CARM1: variants seen among roughly 807,000 people sequenced by gnomAD.
CARM1 encodes histone-arginine methyltransferase CARM1.
In CARM1, 14 loss-of-function variants were observed where a neutral mutation model predicts 72.7. The observed-to-expected ratio is 0.19, with a 90% CI of 0.13 to 0.30. The LOEUF is 0.30. CARM1 is among the 10% of genes least tolerant of loss of function. The pLI is 1.00. For missense variants in CARM1, 432 were observed against 833.7 expected, an observed-to-expected ratio of 0.52 and a Z score of 5.93; for synonymous variants, 333 against 345.5, an observed-to-expected ratio of 0.96 and a Z score of 0.40.
At chr19:10,875,191 G>A (rs1471519770) in intron 1 of CARM1, among the ~76,000 whole-genome samples, 3 of 152,152 alleles carry the variant, frequency 2.0e-5, no homozygotes, top group Non-Finnish European at 4.4e-5. Flanking sequence ...TACTGGCAGG[G>A]CCACAATCCC....
intron 1 of CARM1, among the ~76,000 whole-genome samples, chr19:10,890,636 T>C (rs892351858): frequency 2.0e-5 from 3 of 150,802 alleles, no homozygotes; most frequent in African/African-American, 7.3e-5. Flanking sequence ...TATTTACATA[T>C]ATATATGTAT....
chr19:10,900,905 G>T (rs1004826291), intron 1 of CARM1, among the ~76,000 whole-genome samples: 1 of 151,542 alleles, frequency 6.6e-6, no homozygotes, highest in Admixed American at 6.6e-5. Flanking sequence ...GGATGGTCTC[G>T]ATCTCCTGAC....
At chr19:10,877,681 C>T (rs993220225) in intron 1 of CARM1, among the ~76,000 whole-genome samples, 1 of 152,022 alleles carries the variant, frequency 6.6e-6, no homozygotes, top group Non-Finnish European at 1.5e-5. Flanking sequence ...CTCAGCCTCC[C>T]AAAATGCTGG....
Position 10,914,068 on chromosome 19 carries a change from G to T in CARM1, c.847+14G>T, listed in dbSNP as rs779707474. On this transcript the variant is annotated intron_variant, in intron 6 of 15. Transcript: ENST00000327064. Reference sequence around the variant, plus strand: ...TGAAGCCCAGCGGTGAGCACTGGGGGGTACACAGGCCAGGCCCCTCGGTGG... The same window carrying T: ...TGAAGCCCAGCGGTGAGCACTGGGGTGTACACAGGCCAGGCCCCTCGGTGG... 2.5e-5 allele frequency: 40 copies of T among 1,605,310 alleles called. No individual in the cohort carries two copies. The highest frequency in any genetic ancestry group is 3.4e-5 in the Non-Finnish European group (40 of 1,176,388).
intron 1 of CARM1, among the ~76,000 whole-genome samples, chr19:10,874,708 C>T (rs571908120): frequency 6.6e-5 from 10 of 152,182 alleles, no homozygotes; most frequent in African/African-American, 2.4e-4. Flanking sequence ...CCTTAAGTAA[C>T]ATTGATATGG....
At position 10,916,999 on chromosome 19, in the gene CARM1, G is replaced by T. The variant is rs2074202824; in HGVS notation, c.1020+222G>T. ...ATTAGGTGAGGCTAAGGCAGAGGGG[G>T]CATTTAGGCTCAGGAGTTCAAGATC... is the stretch of plus-strand genomic sequence containing the variant. On this transcript the variant is annotated intron_variant, in intron 8 of 15. Transcript: ENST00000327064. The surrounding 1 kb of genome is among the most constrained non-coding windows in gnomAD (Gnocchi z 4.4). Among the ~76,000 whole-genome samples, 1 of 152,102 alleles carries T rather than the reference G, an allele frequency of 6.6e-6. No homozygotes were observed. The highest frequency in any genetic ancestry group is 6.6e-5 in the Admixed American group (1 of 15,262).
intron 5 of CARM1, among the ~76,000 whole-genome samples, chr19:10,913,059 A>G (rs970278612): frequency 2.2e-4 from 33 of 151,780 alleles, no homozygotes; most frequent in Middle Eastern, 3.4e-3. Context: ...TGGGGGACCT[A>G]GGAGGCCGCA....
chr19:10,903,029 T>G (rs2074077765), intron 1 of CARM1, among the ~76,000 whole-genome samples: 1 of 152,178 alleles, frequency 6.6e-6, no homozygotes, highest in Admixed American at 6.5e-5. Context: ...TGAGTTCTGT[T>G]TTGTTTGTAT....
rs2074188056 is a variant in CARM1 at position 10,915,509 on chromosome 19, C to T, written c.848-898C>T. 6.6e-6 allele frequency among the ~76,000 whole-genome samples: 1 copy of T among 152,102 alleles called. No individual in the cohort carries two copies. The highest frequency in any genetic ancestry group is 1.5e-5 in the Non-Finnish European group (1 of 67,982). ...TCACATGTCTTCTGGTCAGCAGGAG[C>T]CAGAGGTTCCTTCCAGGCTGGGTCA... On this transcript the variant is annotated intron_variant, in intron 6 of 15. Transcript: ENST00000327064. This position sits in a 1 kb window ranked among gnomAD's most constrained non-coding sequence, Gnocchi z 4.6.
intron 1 of CARM1, among the ~76,000 whole-genome samples, chr19:10,898,241 A>G (rs537938209): frequency 7.9e-5 from 12 of 151,836 alleles, no homozygotes; most frequent in African/African-American, 2.9e-4. Flanking sequence ...TGGGAGATGG[A>G]GGTTACGGTG....
chr19:10,874,052 T>TA (rs764972092), intron 1 of CARM1, among the ~76,000 whole-genome samples: 1 of 152,264 alleles, frequency 6.6e-6, no homozygotes, highest in Non-Finnish European at 1.5e-5. Flanking sequence ...GTTTTGTTGA[T>TA]ACTCTTGAAA....
chr19:10,871,968 G>C lies in CARM1; in HGVS notation c.220+46G>C. 4 of 1,166,484 alleles carry C rather than the reference G, an allele frequency of 3.4e-6. No homozygotes were observed. The highest frequency in any genetic ancestry group is 3.2e-6 in the Non-Finnish European group (3 of 945,176). The allele number at this position is 1,166,484 out of a possible 1,614,324, so 72.3% of individuals were successfully genotyped here. A position where few individuals can be genotyped will look rare whatever the true frequency, so the allele number is the denominator to read the frequency against. On this transcript the variant is annotated intron_variant, in intron 1 of 15. Coordinates refer to ENST00000327064, the MANE Select transcript of CARM1 (RefSeq NM_199141.2). The surrounding 1 kb of genome is among the most constrained non-coding windows in gnomAD (Gnocchi z 5.6). ...CAGGCGCAGGGCCGGGGCTGCTCACGAGGCCGGCCCGGGGCGGGGGCCGGC... is the reference window on the plus strand; with the variant it reads ...CAGGCGCAGGGCCGGGGCTGCTCACCAGGCCGGCCCGGGGCGGGGGCCGGC...
chr19:10,917,200 A>G (rs2074204651), intron 8 of CARM1, among the ~76,000 whole-genome samples: 1 of 152,216 alleles, frequency 6.6e-6, no homozygotes, highest in South Asian at 2.1e-4. Context: ...TCAAAAGGAA[A>G]AAAAAGCTAG....
intron 8 of CARM1, among the ~76,000 whole-genome samples, chr19:10,918,569 T>G (rs1338509338): frequency 6.6e-6 from 1 of 152,166 alleles, no homozygotes; most frequent in African/African-American, 2.4e-5. Flanking sequence ...TAGCCTCTGA[T>G]GCCCTGCCTC....
Position 10,921,824 on chromosome 19 carries a change from G to C in CARM1, c.*67G>C. 1 of 1,499,744 alleles carries C rather than the reference G, an allele frequency of 6.7e-7. No homozygotes were observed. 92.9% of individuals were successfully genotyped at this position (1,499,744 alleles called of 1,614,324 possible). On this transcript the variant is annotated 3_prime_UTR_variant, in exon 16 of 16. Coordinates refer to ENST00000327064, the MANE Select transcript of CARM1 (RefSeq NM_199141.2). ...TGTCCCTGCCCGCCGCCCCCGCCGG[G>C]CGGCTTTCCCCCTTGTACTGGAGAA...
At position 10,909,218 on chromosome 19, in the gene CARM1, C is replaced by G; in HGVS notation, c.558+11C>G. The G allele has an allele frequency of 6.5e-7, 1 of 1,549,304 alleles. No homozygotes were observed. The highest frequency in any genetic ancestry group is 1.1e-5 in the South Asian group (1 of 89,668). Reference sequence around the variant, plus strand: ...GACTTCAAGGACAAGGTGAGTGGCCCGCGCATGTGCCCACCTCTCTGCTTC... The same window carrying G: ...GACTTCAAGGACAAGGTGAGTGGCCGGCGCATGTGCCCACCTCTCTGCTTC... On this transcript the variant is annotated intron_variant, in intron 4 of 15. Transcript: ENST00000327064.
At chr19:10,913,566 T>C (rs1188753102) in intron 5 of CARM1, among the ~76,000 whole-genome samples, 1 of 151,896 alleles carries the variant, frequency 6.6e-6, no homozygotes, top group Admixed American at 6.6e-5. Context: ...GTTTTTTTTT[T>C]TTGGTATTTT....
intron 1 of CARM1, among the ~76,000 whole-genome samples, chr19:10,902,460 ATTTTG>A (rs749218221): frequency 2.9e-4 from 44 of 151,460 alleles, no homozygotes; most frequent in African/African-American, 9.0e-4. Flanking sequence ...TGCCCAGCTA[ATTTTG>A]TTTTGTTTTG....
chr19:10,909,755 C>CAAAA (rs565073272), intron 4 of CARM1, among the ~76,000 whole-genome samples: 52 of 151,406 alleles, frequency 3.4e-4, no homozygotes, highest in South Asian at 1.9e-3. Flanking sequence ...AACAAACAAA[C>CAAAA]AAAAAAAACA....
Sources: gnomAD v4.1 joint callset for allele counts (sites outside exome capture counted in the v4.1 genomes callset) on GRCh38, gnomAD v4.1.1 for gene constraint, Gnocchi (gnomAD v3.1) non-coding constraint, MANE v1.5 for transcripts, NCBI Gene and HGNC (gene_info 2026-07-23, HGNC 2026-07-21) for gene names.